Variants in CDON observed in about 807,000 individuals in gnomAD.
CDON encodes the protein cell adhesion associated, oncogene regulated.
A neutral mutation model predicts 120.9 loss-of-function variants in CDON; 73 were observed. The ratio of observed to expected loss-of-function variants is 0.60; its 90% CI spans 0.50 to 0.73. The LOEUF is 0.73. Among genes scored for constraint, CDON ranks in the 30% least tolerant of loss-of-function variants. The pLI is 0.00. For missense variants in CDON, 1,470 were observed against 1,587.3 expected (o/e 0.93, Z 1.26); for synonymous variants, 566 against 573.5 (o/e 0.99, Z 0.19).
chr11:125,970,266 C>G (rs1475246862), intron 18 of CDON, among the ~76,000 whole-genome samples: 1 of 151,218 alleles, frequency 6.6e-6, no homozygotes, highest in Non-Finnish European at 1.5e-5. Flanking sequence ...CCTCTGCCTC[C>G]CGGATTCAAG....
At chr11:126,021,153 C>T in intron 3 of CDON, 95 bp downstream of exon 3, 4 of 1,337,358 alleles carry the variant, frequency 3.0e-6, no homozygotes, top group East Asian at 2.4e-5. Context: ...ATATGCTTTA[C>T]ACCAAAGCCC....
At chr11:125,980,417 C>G (rs1946263769) in intron 17 of CDON, among the ~76,000 whole-genome samples, 2 of 152,186 alleles carry the variant, frequency 1.3e-5, no homozygotes, top group Non-Finnish European at 2.9e-5. Flanking sequence ...CATGAAAGGT[C>G]AGAAGTCACA....
At chr11:125,965,781 C>A (rs1281446659) in intron 18 of CDON, among the ~76,000 whole-genome samples, 2 of 152,176 alleles carry the variant, frequency 1.3e-5, no homozygotes, top group Non-Finnish European at 2.9e-5. Context: ...GAAGTAAATC[C>A]TTTCTAGAGG....
At chr11:126,028,833 GTATATA>G (rs751874778) in intron 1 of CDON, among the ~76,000 whole-genome samples, 18 of 149,478 alleles carry the variant, frequency 1.2e-4, no homozygotes, top group African/African-American at 4.4e-4. Context: ...GTGTGTGTGT[GTATATA>G]TATATATATG....
At chr11:126,030,400 T>C (rs1947912189) in intron 1 of CDON, among the ~76,000 whole-genome samples, 1 of 152,242 alleles carries the variant, frequency 6.6e-6, no homozygotes, top group Admixed American at 6.5e-5. Context: ...TTCTGAATCA[T>C]TCCTCTTCCT....
In CDON at chr11:125,984,105, A is replaced by G. The variant is rs377297322; in HGVS notation, c.2774-12T>C. ...AGGAACACGTTTCACTAGTTGAAAT[A>G]TAAAGGAAAACATGATGTCAGAGTG... is the stretch of plus-strand genomic sequence containing the variant. On this transcript the variant is annotated splice_polypyrimidine_tract_variant and intron_variant, in intron 15 of 19. Transcript: ENST00000531738. 6.7e-5 allele frequency: 104 copies of G among 1,558,086 alleles called. No individual in the cohort carries two copies. Among genetic ancestry groups the G allele is most frequent in the Non-Finnish European group, 8.9e-5 (100 of 1,128,946 alleles).
chr11:126,028,111 A>T (rs1445668421), intron 1 of CDON, among the ~76,000 whole-genome samples: 1 of 152,050 alleles, frequency 6.6e-6, no homozygotes, highest in Non-Finnish European at 1.5e-5. Flanking sequence ...CGGTTTTACA[A>T]GAATTGCTAA....
At chr11:126,005,596 G>T in intron 9 of CDON, 163 bp downstream of exon 9, 3 of 684,728 alleles carry the variant, frequency 4.4e-6, no homozygotes, top group Non-Finnish European at 7.6e-6. Flanking sequence ...GCTTTCCTAG[G>T]ATTGGTAAAT....
At chr11:126,058,866 G>T (rs1948733921) in intron 1 of CDON, among the ~76,000 whole-genome samples, 1 of 152,214 alleles carries the variant, frequency 6.6e-6, no homozygotes, top group Non-Finnish European at 1.5e-5. Flanking sequence ...TTGCTCCAAA[G>T]ATTTTACAGA....
intron 1 of CDON, among the ~76,000 whole-genome samples, chr11:126,036,145 ATGCTTCTCT>A (rs1164066548): frequency 6.6e-6 from 1 of 152,228 alleles, no homozygotes; most frequent in African/African-American, 2.4e-5. Flanking sequence ...TATTCCAATG[ATGCTTCTCT>A]GTGCAAAACA....
Position 126,053,796 on chromosome 11 carries a change from G to A in CDON, c.-62+8783C>T, listed in dbSNP as rs117586488. 9.4e-5 allele frequency among the ~76,000 whole-genome samples: 14 copies of A among 149,302 alleles called. No homozygotes were observed. The East Asian group carries it at 2.3e-3, about 25-fold the overall frequency. ...ACAGGAGAGGGACAGTGAGAATGAC[G>A]GAAACAGAGGTTACTGATAAACCCT... On this transcript the variant is annotated intron_variant, in intron 1 of 19. Coordinates refer to ENST00000531738, the MANE Select transcript of CDON (RefSeq NM_001378964.1).
intron 18 of CDON, among the ~76,000 whole-genome samples, chr11:125,973,294 A>G (rs1946057411): frequency 6.6e-6 from 1 of 152,094 alleles, no homozygotes; most frequent in Non-Finnish European, 1.5e-5. Flanking sequence ...GCACTTTGGG[A>G]GGCCAAGACG....
chr11:126,012,057 T>C (rs78403770), intron 7 of CDON, among the ~76,000 whole-genome samples: 1,918 of 152,312 alleles, frequency 0.013, 43 homozygotes, highest in African/African-American at 0.044. Flanking sequence ...TGTACCAATA[T>C]AATATTTTCT....
At chr11:126,011,141 G>C (rs955880315) in intron 7 of CDON, among the ~76,000 whole-genome samples, 2 of 152,090 alleles carry the variant, frequency 1.3e-5, no homozygotes, top group Non-Finnish European at 2.9e-5. Context: ...ATTATAAAAA[G>C]CGTGGGAGAA....
chr11:125,973,897 AT>A (rs940162705), intron 18 of CDON, among the ~76,000 whole-genome samples: 29 of 149,286 alleles, frequency 1.9e-4, no homozygotes, highest in African/African-American at 4.4e-4. Flanking sequence ...TATTTATGTC[AT>A]TTTTTTTTTC....
rs1272515080 is a variant in CDON at position 126,062,826 on chromosome 11, G to A, written c.-309C>T. 1 of 151,604 alleles carries A rather than the reference G, an allele frequency of 6.6e-6. No individual in the cohort carries two copies. Among genetic ancestry groups the A allele is most frequent in the Non-Finnish European group, 1.5e-5 (1 of 67,848 alleles). 9.4% of individuals were successfully genotyped at this position (151,604 alleles called of 1,614,324 possible). A position where few individuals can be genotyped will look rare whatever the true frequency, so the allele number is the denominator to read the frequency against. ...CTCCTCGCACCTAGCCGCGCGAGCC[G>A]GGCTCCCGGGCTCAGGGGAGGGGAG... On this transcript the variant is annotated 5_prime_UTR_variant, in exon 1 of 20. Coordinates refer to ENST00000531738, the MANE Select transcript of CDON (RefSeq NM_001378964.1).
chr11:125,964,925 TTC>T (rs1945750283), intron 18 of CDON, among the ~76,000 whole-genome samples: 1 of 152,158 alleles, frequency 6.6e-6, no homozygotes, highest in African/African-American at 2.4e-5. Flanking sequence ...TTGAAAATAA[TTC>T]TTTTTTTGTT....
At chr11:126,021,204 A>G in intron 3 of CDON, 44 bp downstream of exon 3, 1 of 1,587,650 alleles carries the variant, frequency 6.3e-7, no homozygotes, top group East Asian at 2.2e-5. Context: ...ACTAACAGTA[A>G]TTTCAAGAAA....
At chr11:126,037,758 C>G (rs1361902928) in intron 1 of CDON, among the ~76,000 whole-genome samples, 2 of 152,058 alleles carry the variant, frequency 1.3e-5, no homozygotes, top group African/African-American at 2.4e-5. Flanking sequence ...GGATTTATCT[C>G]CTTTTCCCAG....
Sources: gnomAD v4.1 joint callset for allele counts (sites outside exome capture counted in the v4.1 genomes callset) on GRCh38, gnomAD v4.1.1 for gene constraint, MANE v1.5 for transcripts, NCBI Gene and HGNC (gene_info 2026-07-23, HGNC 2026-07-21) for gene names.